TTC6: variants seen among roughly 807,000 people sequenced by gnomAD.
TTC6 encodes tetratricopeptide repeat protein 6.
In TTC6, 172 loss-of-function variants were observed where a neutral mutation model predicts 210.4. That is an observed-to-expected ratio of 0.82 (90% CI 0.72 to 0.93). The LOEUF is 0.93. Among genes scored for constraint, TTC6 ranks in the 40% least tolerant of loss-of-function variants. TTC6 has a pLI of 0.00. For synonymous variants in TTC6, 804 were observed against 819.6 expected (o/e 0.98, Z 0.32); for missense variants, 2,414 against 2,318.1 (o/e 1.04, Z -0.85).
At chr14:37,633,127 T>G (rs964946549) in intron 1 of TTC6, among the ~76,000 whole-genome samples, 6 of 151,778 alleles carry the variant, frequency 4.0e-5, no homozygotes, top group Non-Finnish European at 7.4e-5. Flanking sequence ...TCTAGGGGAG[T>G]GAACTGTTCT....
At chr14:37,655,825 T>C (rs950738105) in intron 1 of TTC6, among the ~76,000 whole-genome samples, 3 of 152,136 alleles carry the variant, frequency 2.0e-5, no homozygotes, top group African/African-American at 7.2e-5. Flanking sequence ...TAGTCCACAA[T>C]TGAAGGCTAC....
intron 16 of TTC6, among the ~76,000 whole-genome samples, chr14:37,791,442 G>T (rs2096079100): frequency 6.6e-6 from 1 of 152,098 alleles, no homozygotes; most frequent in African/African-American, 2.4e-5. Context: ...TATGAAAAGG[G>T]AAGGTGTCAG....
At chr14:37,682,168 T>G (rs63064861) in intron 2 of TTC6, among the ~76,000 whole-genome samples, 2 of 139,774 alleles carry the variant, frequency 1.4e-5, no homozygotes, top group African/African-American at 5.3e-5. Context: ...TTTTTTTTTT[T>G]GGTTGGGCAT....
intron 14 of TTC6, among the ~76,000 whole-genome samples, chr14:37,776,206 G>A (rs181433418): frequency 0.037 from 787 of 21,500 alleles, 293 homozygotes; most frequent in South Asian, 0.14. Context: ...GCCCGCCACC[G>A]CGCCCGGCTA....
intron 6 of TTC6, among the ~76,000 whole-genome samples, chr14:37,720,834 G>C (rs2095860467): frequency 6.6e-6 from 1 of 152,036 alleles, no homozygotes; most frequent in Non-Finnish European, 1.5e-5. Context: ...TTCAGGATGG[G>C]GGTTAGGATG....
At chr14:37,607,182 A>G (rs2095626674) in intron 2 of TTC6, among the ~76,000 whole-genome samples, 1 of 152,214 alleles carries the variant, frequency 6.6e-6, no homozygotes, top group Non-Finnish European at 1.5e-5. Context: ...TGCTAAACTG[A>G]GCTTTGCTAT....
chr14:37,612,417 G>A (rs2095636170), intron 2 of TTC6, among the ~76,000 whole-genome samples: 1 of 152,162 alleles, frequency 6.6e-6, no homozygotes, highest in Admixed American at 6.5e-5. Flanking sequence ...AATAGGTTTT[G>A]AAATTGGATA....
chr14:37,625,832 A>G (rs2095659348), intron 1 of TTC6, among the ~76,000 whole-genome samples: 1 of 152,168 alleles, frequency 6.6e-6, no homozygotes, highest in African/African-American at 2.4e-5. Context: ...CACATGCAGC[A>G]CTTGGAGGTC....
intron 28 of TTC6, 100 bp downstream of exon 30, chr14:37,826,447 A>C (rs1252664806): frequency 9.7e-7 from 1 of 1,034,342 alleles, no homozygotes; most frequent in Middle Eastern, 2.5e-4. Context: ...AAAGTGACTT[A>C]TGGAGAAAAT....
intron 3 of TTC6, 105 bp downstream of exon 5, chr14:37,683,069 G>A (rs1547102): frequency 0.059 from 55,773 of 950,852 alleles, 1,925 homozygotes; most frequent in African/African-American, 0.13. Context: ...GGCTGGGGGC[G>A]GGGGTGATGG....
chr14:37,601,462 A>T (rs113543758), intron 1 of TTC6, among the ~76,000 whole-genome samples: 156 of 152,276 alleles, frequency 1.0e-3, no homozygotes, highest in South Asian at 3.5e-3. Context: ...TCAATCAGGG[A>T]AGAATTCCTG....
intron 29 of TTC6, among the ~76,000 whole-genome samples, chr14:37,830,325 TG>T (rs2096181723): frequency 2.6e-5 from 4 of 152,104 alleles, no homozygotes; most frequent in Non-Finnish European, 5.9e-5. Context: ...AGTTGACCAC[TG>T]CAGGTTAAAT....
intron 5 of TTC6, among the ~76,000 whole-genome samples, chr14:37,710,564 C>G (rs2095843039): frequency 6.6e-6 from 1 of 152,098 alleles, no homozygotes; most frequent in Non-Finnish European, 1.5e-5. Context: ...TAATATCAAT[C>G]ACTTTCTTAG....
chr14:37,795,213 T>C, intron 17 of TTC6, 57 bp from the exon 20 acceptor site: 1 of 1,215,552 alleles, frequency 8.2e-7, no homozygotes, highest in South Asian at 1.4e-5. Context: ...AGGATAAATA[T>C]CAGAAAGGAA....
chr14:37,715,082 T>C (rs566895211), intron 6 of TTC6, among the ~76,000 whole-genome samples: 1 of 151,974 alleles, frequency 6.6e-6, no homozygotes, highest in African/African-American at 2.4e-5. Context: ...GATGAGGGAA[T>C]CACTTGAGCC....
intron 29 of TTC6, among the ~76,000 whole-genome samples, chr14:37,831,509 T>A (rs1314298527): frequency 5.9e-5 from 9 of 152,170 alleles, no homozygotes; most frequent in Non-Finnish European, 1.3e-4. Flanking sequence ...TTTTCCATAG[T>A]AGCTCTACTA....
intron 3 of TTC6, among the ~76,000 whole-genome samples, chr14:37,686,125 CA>C (rs2095793254): frequency 6.6e-6 from 1 of 151,952 alleles, no homozygotes; most frequent in Non-Finnish European, 1.5e-5. Context: ...ACTAGATGTC[CA>C]AGGACCGAAT....
intron 7 of TTC6, among the ~76,000 whole-genome samples, chr14:37,726,202 CAT>C (rs1251332288): frequency 6.6e-6 from 1 of 151,950 alleles, no homozygotes; most frequent in Admixed American, 6.6e-5. Context: ...TATGAAAACA[CAT>C]ATATCAGAAA....
intron 1 of TTC6, among the ~76,000 whole-genome samples, chr14:37,596,731 A>G (rs1279164048): frequency 6.6e-6 from 1 of 151,332 alleles, no homozygotes; most frequent in Admixed American, 6.6e-5. Flanking sequence ...ACAATAAAAT[A>G]AAATCTAAAG....
Sources: gnomAD v4.1 joint callset for allele counts (sites outside exome capture counted in the v4.1 genomes callset) on GRCh38, gnomAD v4.1.1 for gene constraint, MANE v1.5 for transcripts, NCBI Gene and HGNC (gene_info 2026-07-23, HGNC 2026-07-21) for gene names.